PRRX2: variants seen among roughly 807,000 people sequenced by gnomAD.
The protein encoded by PRRX2 is paired related homeobox 2.
In PRRX2, 11 loss-of-function variants were observed where a neutral mutation model predicts 18.0. That is an observed-to-expected ratio of 0.61 (90% CI 0.39 to 1.01). PRRX2 has a LOEUF of 1.01. PRRX2 is among the 50% of genes least tolerant of loss of function. The probability of loss-of-function intolerance (pLI) is 0.01; values close to 1 mark genes in which losing one functional copy is unlikely to be tolerated. For missense variants in PRRX2, 387 were observed against 351.0 expected, an observed-to-expected ratio of 1.10 and a Z score of -0.82; for synonymous variants, 177 against 154.8, an observed-to-expected ratio of 1.14 and a Z score of -1.06.
At position 129,665,800 on chromosome 9, in the gene PRRX2, G is replaced by A. The variant is rs1472824685; in HGVS notation, c.-68G>A. 5.0e-6 allele frequency: 5 copies of A among 1,000,540 alleles called. No individual in the cohort carries two copies. In the African/African-American group the frequency reaches 7.0e-5, roughly 14 times the overall value. 62.0% of individuals were successfully genotyped at this position (1,000,540 alleles called of 1,614,324 possible). ...GCGGCCGGGGCTCTCGCTCCGACCC[G>A]CGCCCGCGACCCTTCCTGGGACCCG... On this transcript the variant is annotated 5_prime_UTR_variant, in exon 1 of 4. Coordinates refer to ENST00000372469, the MANE Select transcript of PRRX2 (RefSeq NM_016307.4). This position sits in a 1 kb window ranked among gnomAD's most constrained non-coding sequence, Gnocchi z 5.3.
intron 1 of PRRX2, among the ~76,000 whole-genome samples, chr9:129,694,489 A>G (rs1325044381): frequency 6.6e-6 from 1 of 152,188 alleles, no homozygotes; most frequent in Non-Finnish European, 1.5e-5. Flanking sequence ...CCAGCCCTTC[A>G]GAAGTCCCTT....
intron 1 of PRRX2, among the ~76,000 whole-genome samples, chr9:129,714,440 G>A (rs1461063139): frequency 6.6e-6 from 1 of 151,802 alleles, no homozygotes; most frequent in African/African-American, 2.4e-5. Flanking sequence ...AAAATAAAAT[G>A]GCACAGTGCC....
chr9:129,694,241 C>T (rs1832394333), intron 1 of PRRX2, among the ~76,000 whole-genome samples: 1 of 152,222 alleles, frequency 6.6e-6, no homozygotes, highest in African/African-American at 2.4e-5. Context: ...TGGCTCACTG[C>T]AACCTCTGCC....
intron 1 of PRRX2, among the ~76,000 whole-genome samples, chr9:129,666,459 C>A (rs1832024348): frequency 1.3e-5 from 2 of 152,174 alleles, no homozygotes; most frequent in Non-Finnish European, 1.5e-5. Context: ...CGGGCAAAGC[C>A]GCTGAGCTGC....
At position 129,707,699 on chromosome 9, in the gene PRRX2, G is replaced by C. The variant is rs574818447; in HGVS notation, c.260-11532G>C. Among the ~76,000 whole-genome samples the C allele has an allele frequency of 2.0e-5, 3 of 151,626 alleles. No individual in the cohort carries two copies. In the South Asian group the frequency reaches 6.3e-4, roughly 32 times the overall value. ...CCAGCTACCAGGGAGGCTGAGGCAG[G>C]AGAATTGCTTGAACCCAGGAGGAGG... On this transcript the variant is annotated intron_variant, in intron 1 of 3. Coordinates refer to ENST00000372469, the MANE Select transcript of PRRX2 (RefSeq NM_016307.4).
intron 1 of PRRX2, among the ~76,000 whole-genome samples, chr9:129,700,162 G>A (rs934705474): frequency 6.6e-6 from 1 of 152,110 alleles, no homozygotes; most frequent in Non-Finnish European, 1.5e-5. Flanking sequence ...CAACAACTCT[G>A]GGAGGAAGAT....
At position 129,715,748 on chromosome 9, in the gene PRRX2, TCTCACA is replaced by T. The variant is rs1333668848; in HGVS notation, c.260-3481_260-3476del. Among the ~76,000 whole-genome samples the T allele has an allele frequency of 1.1e-5, 1 of 92,818 alleles. No individual in the cohort carries two copies. The highest frequency in any genetic ancestry group is 2.0e-5 in the Non-Finnish European group (1 of 49,340). The allele number at this position is 92,818 out of a possible 152,430, so 60.9% of individuals were successfully genotyped here. ...CCAAACCCAGCTTCAGGGACATCTT[TCTCACA>T]CACACACACACACACACACACACAC... is the stretch of plus-strand genomic sequence containing the variant. On this transcript the variant is annotated intron_variant, in intron 1 of 3. Coordinates refer to ENST00000372469, the MANE Select transcript of PRRX2 (RefSeq NM_016307.4). This position sits in a 1 kb window ranked among gnomAD's most constrained non-coding sequence, Gnocchi z 4.0.
chr9:129,670,622 G>A (rs1490154190), intron 1 of PRRX2, among the ~76,000 whole-genome samples: 1 of 152,094 alleles, frequency 6.6e-6, no homozygotes, highest in Non-Finnish European at 1.5e-5. Flanking sequence ...TGATCCACCC[G>A]TCTCAGCCTC....
intron 1 of PRRX2, among the ~76,000 whole-genome samples, chr9:129,670,797 G>A (rs1243805956): frequency 6.6e-6 from 1 of 152,194 alleles, no homozygotes; most frequent in Non-Finnish European, 1.5e-5. Flanking sequence ...CCAGGCTTTG[G>A]AGGAAGAGAC....
intron 1 of PRRX2, among the ~76,000 whole-genome samples, chr9:129,711,069 C>T (rs1172144277): frequency 1.3e-5 from 2 of 152,116 alleles, no homozygotes; most frequent in African/African-American, 2.4e-5. Context: ...TTGCCTTCAG[C>T]CTCCCTCCTT....
intron 1 of PRRX2, among the ~76,000 whole-genome samples, chr9:129,667,641 C>T (rs546428269): frequency 6.6e-6 from 1 of 152,016 alleles, no homozygotes; most frequent in Admixed American, 6.6e-5. Flanking sequence ...GCCAGGGTGT[C>T]TCGTACTCCA....
In PRRX2 at chr9:129,666,044, C is replaced by G. The variant is rs1832015747; in HGVS notation, c.177C>G (p.Pro59=). 1 of 1,052,298 alleles carries G rather than the reference C, an allele frequency of 9.5e-7. No homozygotes were observed. Among genetic ancestry groups the G allele is most frequent in the Non-Finnish European group, 1.1e-6 (1 of 877,818 alleles). 65.2% of individuals were successfully genotyped at this position (1,052,298 alleles called of 1,614,324 possible). The change falls in exon 1 of 4, where the codon CCC becomes CCG. Residue 59 remains proline, a synonymous_variant. Coordinates refer to ENST00000372469, the MANE Select transcript of PRRX2 (RefSeq NM_016307.4). ...VAAAGRLAAR[P]GARAEAREGA... The stretch of plus-strand genomic sequence containing the variant: ...CGGCCGGGCGGCTGGCGGCGCGCCC[C>G]GGGGCCAGGGCCGAGGCGCGGGAGG...
intron 1 of PRRX2, among the ~76,000 whole-genome samples, chr9:129,704,781 T>G (rs976157238): frequency 6.6e-6 from 1 of 152,210 alleles, no homozygotes; most frequent in Non-Finnish European, 1.5e-5. Context: ...CAGAGCTGTT[T>G]GCAGGTTTGT....
At chr9:129,701,960 G>A (rs1378305490) in intron 1 of PRRX2, among the ~76,000 whole-genome samples, 1 of 152,126 alleles carries the variant, frequency 6.6e-6, no homozygotes, top group Non-Finnish European at 1.5e-5. Flanking sequence ...AATTAGTCAG[G>A]CCTGATGCCG....
rs1004527616 is a variant in PRRX2, at chr9:129,715,542, G to A, written c.260-3689G>A. ...GGAGGTCGAGGCTGCAGTGTGTTACGATTGCGCCACTGCACTCCAGCTTGG... is the reference window on the plus strand; with the variant it reads ...GGAGGTCGAGGCTGCAGTGTGTTACAATTGCGCCACTGCACTCCAGCTTGG... On this transcript the variant is annotated intron_variant, in intron 1 of 3. Coordinates refer to ENST00000372469, the MANE Select transcript of PRRX2 (RefSeq NM_016307.4). The surrounding 1 kb of genome is among the most constrained non-coding windows in gnomAD (Gnocchi z 4.0). Among the ~76,000 whole-genome samples the A allele has an allele frequency of 2.0e-5, 3 of 152,080 alleles. No individual in the cohort carries two copies. Among genetic ancestry groups the A allele is most frequent in the Non-Finnish European group, 2.9e-5 (2 of 68,018 alleles).
chr9:129,679,931 C>T (rs1832206082), intron 1 of PRRX2, among the ~76,000 whole-genome samples: 2 of 152,168 alleles, frequency 1.3e-5, no homozygotes, highest in Admixed American at 6.5e-5. Context: ...GGCCCAACCT[C>T]AGCTCCACTT....
chr9:129,694,152 A>G (rs996332868), intron 1 of PRRX2, among the ~76,000 whole-genome samples: 2 of 152,108 alleles, frequency 1.3e-5, no homozygotes, highest in African/African-American at 2.4e-5. Flanking sequence ...AGTGTGCTCA[A>G]AAACACCCCA....
At chr9:129,705,223 C>T (rs1248520158) in intron 1 of PRRX2, among the ~76,000 whole-genome samples, 2 of 143,090 alleles carry the variant, frequency 1.4e-5, no homozygotes, top group Non-Finnish European at 3.0e-5. Flanking sequence ...CTGAGCTGGA[C>T]TTGGGACCCC....
chr9:129,715,779 C>A lies in PRRX2; in HGVS notation c.260-3452C>A, dbSNP rs886148141. 4.6e-5 allele frequency among the ~76,000 whole-genome samples: 7 copies of A among 150,714 alleles called. No homozygotes were observed. Among genetic ancestry groups the A allele is most frequent in the African/African-American group, 1.7e-4 (7 of 40,316 alleles). On this transcript the variant is annotated intron_variant, in intron 1 of 3. Coordinates refer to ENST00000372469, the MANE Select transcript of PRRX2 (RefSeq NM_016307.4). The surrounding 1 kb of genome is among the most constrained non-coding windows in gnomAD (Gnocchi z 4.0). The stretch of plus-strand genomic sequence containing the variant: ...ACACACACACACACACACACACACA[C>A]ACACACACACACACTCATTTACAGT...
Sources: gnomAD v4.1 joint callset for allele counts (sites outside exome capture counted in the v4.1 genomes callset) on GRCh38, gnomAD v4.1.1 for gene constraint, Gnocchi (gnomAD v3.1) non-coding constraint, MANE v1.5 for transcripts, NCBI Gene and HGNC (gene_info 2026-07-23, HGNC 2026-07-21) for gene names.